Variants in SNTG1 observed in about 807,000 individuals in gnomAD.
SNTG1 encodes gamma-1-syntrophin.
Under a neutral mutation model 74.7 loss-of-function variants are expected in SNTG1, and 39 were observed. The ratio of observed to expected loss-of-function variants is 0.52; its 90% CI spans 0.40 to 0.68. The LOEUF (loss-of-function observed/expected upper bound fraction) is 0.68, where lower values mean the gene tolerates loss of function less well. SNTG1 is among the 30% of genes least tolerant of loss of function. The probability of loss-of-function intolerance (pLI) is 0.00; values close to 1 mark genes in which losing one functional copy is unlikely to be tolerated. For synonymous variants in SNTG1, 254 were observed against 217.1 expected, an observed-to-expected ratio of 1.17 and a Z score of -1.49; for missense variants, 685 against 609.5, an observed-to-expected ratio of 1.12 and a Z score of -1.30.
intron 1 of SNTG1, among the ~76,000 whole-genome samples, chr8:50,149,777 GC>G (rs2081999817): frequency 6.6e-6 from 1 of 152,166 alleles, no homozygotes; most frequent in South Asian, 2.1e-4. Flanking sequence ...CAGTACCATT[GC>G]TGTTTTGGTC....
At position 50,445,420 on chromosome 8, in the gene SNTG1, T is replaced by C. The variant is rs551041179; in HGVS notation, c.220-4248T>C. 4.6e-5 allele frequency among the ~76,000 whole-genome samples: 7 copies of C among 152,274 alleles called. No homozygotes were observed. The South Asian group carries it at 1.5e-3, about 32-fold the overall frequency. ...TTAATTGATTGGAGTAATAATAATATTGAACTGAAAAGATTACTTGGCAAG... is the reference window on the plus strand; with the variant it reads ...TTAATTGATTGGAGTAATAATAATACTGAACTGAAAAGATTACTTGGCAAG... On this transcript the variant is annotated intron_variant, in intron 5 of 18. Transcript: ENST00000642720.
chr8:50,089,014 G>A (rs1420895488), intron 1 of SNTG1, among the ~76,000 whole-genome samples: 19 of 151,574 alleles, frequency 1.3e-4, no homozygotes, highest in South Asian at 2.1e-4. Context: ...TATACTACAA[G>A]GCTACAGTAA....
chr8:50,738,854 A>T (rs1042314633), intron 17 of SNTG1, among the ~76,000 whole-genome samples: 3 of 152,122 alleles, frequency 2.0e-5, no homozygotes, highest in Admixed American at 2.0e-4. Flanking sequence ...AAAACTGGCT[A>T]GCCATACGCA....
intron 5 of SNTG1, among the ~76,000 whole-genome samples, chr8:50,440,826 C>G (rs2093351340): frequency 6.6e-6 from 1 of 152,098 alleles, no homozygotes. Flanking sequence ...AGTTAAGACT[C>G]CTACAGGTGC....
intron 9 of SNTG1, among the ~76,000 whole-genome samples, chr8:50,512,449 T>A (rs990179814): frequency 1.3e-5 from 2 of 152,170 alleles, no homozygotes; most frequent in Non-Finnish European, 2.9e-5. Context: ...TTTCCTGAAT[T>A]TGAATGTTGG....
At chr8:50,620,171 T>C (rs1280541846) in intron 13 of SNTG1, among the ~76,000 whole-genome samples, 3 of 152,154 alleles carry the variant, frequency 2.0e-5, no homozygotes, top group African/African-American at 7.2e-5. Flanking sequence ...GGTCCCGATT[T>C]CCTTTCTGGC....
At chr8:49,914,880 A>G (rs1452349636) in intron 1 of SNTG1, 1 of 152,212 alleles carries the variant, frequency 6.6e-6, no homozygotes, top group Non-Finnish European at 1.5e-5. Flanking sequence ...TTATTTCCAT[A>G]GTAATCTCAC....
At chr8:50,456,935 C>T (rs1025103939) in intron 8 of SNTG1, 1 of 152,120 alleles carries the variant, frequency 6.6e-6, no homozygotes, top group African/African-American at 2.4e-5. Context: ...CAGACACTCT[C>T]CTGTCTGGGG....
chr8:49,973,328 A>G (rs1234676444), intron 1 of SNTG1, among the ~76,000 whole-genome samples: 1 of 151,552 alleles, frequency 6.6e-6, no homozygotes, highest in Non-Finnish European at 1.5e-5. Context: ...ACACATGGAG[A>G]CAGGAAGGGG....
chr8:50,446,379 C>A (rs368315097), intron 5 of SNTG1, among the ~76,000 whole-genome samples: 140 of 145,722 alleles, frequency 9.6e-4, no homozygotes, highest in African/African-American at 1.5e-3. Flanking sequence ...AATTTAAAAG[C>A]AAAAAAAAAA....
At chr8:50,529,988 G>A (rs971493729) in intron 9 of SNTG1, among the ~76,000 whole-genome samples, 189 bp from the exon 10 acceptor site, 2 of 151,892 alleles carry the variant, frequency 1.3e-5, no homozygotes, top group African/African-American at 4.8e-5. Context: ...GTCTCTTTTA[G>A]TGCCCAGATA....
intron 2 of SNTG1, among the ~76,000 whole-genome samples, chr8:50,225,838 T>A (rs1004888727): frequency 6.6e-6 from 1 of 152,204 alleles, no homozygotes; most frequent in Non-Finnish European, 1.5e-5. Context: ...GAGCCAAATA[T>A]CCATTTTGTT....
intron 13 of SNTG1, among the ~76,000 whole-genome samples, chr8:50,636,062 AGT>A (rs1157667413): frequency 6.6e-6 from 1 of 150,822 alleles, no homozygotes; most frequent in African/African-American, 2.4e-5. Context: ...TTTGGCCCAG[AGT>A]GTGTCTAGAA....
intron 18 of SNTG1, among the ~76,000 whole-genome samples, chr8:50,773,185 T>C (rs2131794862): frequency 6.6e-6 from 1 of 152,188 alleles, no homozygotes; most frequent in African/African-American, 2.4e-5. Context: ...CAATCAACAG[T>C]TTAAGATCAC....
chr8:50,454,079 A>C (rs958276817), intron 8 of SNTG1, among the ~76,000 whole-genome samples: 40 of 152,200 alleles, frequency 2.6e-4, no homozygotes, highest in Admixed American at 2.6e-3. Flanking sequence ...GCCACTACTG[A>C]TGTTAATTAA....
In SNTG1 at chr8:50,792,851, A is replaced by G. The variant is rs1400069072; in HGVS notation, c.*22A>G. The G allele has an allele frequency of 1.9e-6, 3 of 1,597,224 alleles. No individual in the cohort carries two copies. Among genetic ancestry groups the G allele is most frequent in the East Asian group, 4.5e-5 (2 of 44,520 alleles). ...TTGACATACTGAACTCTTCATTGAC[A>G]CACCCCATGACTGTATAAGCAGGAC... On this transcript the variant is annotated 3_prime_UTR_variant, in exon 19 of 19. Coordinates refer to ENST00000642720, the MANE Select transcript of SNTG1 (RefSeq NM_018967.5).
At chr8:50,567,902 G>C (rs2094524935) in intron 12 of SNTG1, among the ~76,000 whole-genome samples, 2 of 151,878 alleles carry the variant, frequency 1.3e-5, no homozygotes, top group African/African-American at 4.8e-5. Context: ...ACTTTACATT[G>C]TTATTTGCTC....
chr8:50,151,535 C>T (rs1454975034), intron 1 of SNTG1, among the ~76,000 whole-genome samples: 1 of 152,054 alleles, frequency 6.6e-6, no homozygotes, highest in Admixed American at 6.6e-5. Context: ...CTGCTTTCTC[C>T]TGTGGGCATT....
chr8:50,435,379 C>T (rs76323328), intron 4 of SNTG1, among the ~76,000 whole-genome samples: 3,812 of 152,282 alleles, frequency 0.025, 68 homozygotes, highest in South Asian at 0.08. Flanking sequence ...CTTTACGACA[C>T]TCATGATGTG....
Sources: allele counts gnomAD v4.1 joint callset (sites outside exome capture counted in the v4.1 genomes callset), GRCh38; gene constraint gnomAD v4.1.1; transcripts MANE v1.5; gene names NCBI Gene and HGNC (gene_info 2026-07-23, HGNC 2026-07-21).